WNT2: variants seen among roughly 807,000 people sequenced by gnomAD.
The protein encoded by WNT2 is protein Wnt-2.
Under a neutral mutation model 36.9 loss-of-function variants are expected in WNT2, and 12 were observed. The ratio of observed to expected loss-of-function variants is 0.33; its 90% CI spans 0.21 to 0.53. WNT2 has a LOEUF of 0.53. Among genes scored for constraint, WNT2 ranks in the 20% least tolerant of loss-of-function variants. The pLI is 0.95. For synonymous variants in WNT2, 163 were observed against 174.6 expected (o/e 0.93, Z 0.52); for missense variants, 379 against 473.1 (o/e 0.80, Z 1.84).
rs1783619525 is a variant in WNT2 at position 117,276,120 on chromosome 7, G to A, written c.*2035C>T. On this transcript the variant is annotated 3_prime_UTR_variant, in exon 5 of 5. Coordinates refer to ENST00000265441, the MANE Select transcript of WNT2 (RefSeq NM_003391.3). ...TATTTGTGATGGAGCATTGGGCAAT[G>A]CCTGATATGTGCACCAATCCCTTCG... 1.3e-5 allele frequency among the ~76,000 whole-genome samples: 2 copies of A among 152,324 alleles called. No individual in the cohort carries two copies. The highest frequency in any genetic ancestry group is 1.3e-4 in the Admixed American group (2 of 15,300).
intron 4 of WNT2, among the ~76,000 whole-genome samples, chr7:117,282,754 G>A (rs1367252466): frequency 6.6e-6 from 1 of 152,206 alleles, no homozygotes; most frequent in Non-Finnish European, 1.5e-5. Context: ...GTTCTCATTT[G>A]TGTTTCAGAA....
At chr7:117,305,374 C>G (rs904644392) in intron 3 of WNT2, among the ~76,000 whole-genome samples, 1 of 152,038 alleles carries the variant, frequency 6.6e-6, no homozygotes, top group African/African-American at 2.4e-5. Context: ...AGCTTCCGTT[C>G]TTATTTGTGG....
chr7:117,299,849 AT>A lies in WNT2; in HGVS notation c.589-1974del, dbSNP rs907161526. 4.0e-4 allele frequency among the ~76,000 whole-genome samples: 61 copies of A among 152,286 alleles called. 1 individual carries two copies. The highest frequency in any genetic ancestry group is 2.1e-4 in the South Asian group (1 of 4,824). Reference sequence around the variant, plus strand: ...CCAGATCATAAACTTCAAAACTGATATTTTTATACAATTAATTGAAGAATTT... The same window carrying A: ...CCAGATCATAAACTTCAAAACTGATATTTTATACAATTAATTGAAGAATTT... On this transcript the variant is annotated intron_variant, in intron 3 of 4. Transcript: ENST00000265441.
intron 3 of WNT2, among the ~76,000 whole-genome samples, chr7:117,305,565 A>G (rs952296516): frequency 6.6e-6 from 1 of 152,182 alleles, no homozygotes; most frequent in Admixed American, 6.5e-5. Context: ...CAGTCTCTTC[A>G]TATTTAAGAA....
rs147808279 is a variant in WNT2 at position 117,302,470 on chromosome 7, GT to G, written c.589-4595del. On this transcript the variant is annotated intron_variant, in intron 3 of 4. Coordinates refer to ENST00000265441, the MANE Select transcript of WNT2 (RefSeq NM_003391.3). ...GAAGAGATGCTTTAACAAACCATTG[GT>G]GGGGGAGTATAGCGATCCATCATTT... Among the ~76,000 whole-genome samples, 685 of 152,242 alleles carry G rather than the reference GT, an allele frequency of 4.5e-3. 4 individuals carry two copies. The highest frequency in any genetic ancestry group is 0.015 in the African/African-American group (633 of 41,524).
In WNT2 at chr7:117,275,966, T is replaced by TA. The variant is rs1206524358; in HGVS notation, c.*2188dup. ...ATGTCAGATCTAAACATACCAGGCA[T>TA]AAAAAAAGTAGCAAACACACCATTG... On this transcript the variant is annotated 3_prime_UTR_variant, in exon 5 of 5. Transcript: ENST00000265441. Among the ~76,000 whole-genome samples, 2 of 152,252 alleles carry TA rather than the reference T, an allele frequency of 1.3e-5. No individual in the cohort carries two copies. The highest frequency in any genetic ancestry group is 2.4e-5 in the African/African-American group (1 of 41,538).
At chr7:117,281,019 GCA>G (rs1794474427) in intron 4 of WNT2, among the ~76,000 whole-genome samples, 1 of 152,180 alleles carries the variant, frequency 6.6e-6, no homozygotes, top group Non-Finnish European at 1.5e-5. Flanking sequence ...TCCATCAACT[GCA>G]CAGTTTTACA....
chr7:117,290,855 G>A (rs372102207), intron 4 of WNT2, among the ~76,000 whole-genome samples: 1 of 152,172 alleles, frequency 6.6e-6, no homozygotes, highest in South Asian at 2.1e-4. Context: ...TGGCACATAG[G>A]AGGATCTCAA....
intron 2 of WNT2, among the ~76,000 whole-genome samples, chr7:117,319,712 G>T (rs1356638279): frequency 6.6e-6 from 1 of 152,104 alleles, no homozygotes; most frequent in Non-Finnish European, 1.5e-5. Flanking sequence ...AATTTTCTTT[G>T]ATTGTGTCCT....
intron 2 of WNT2, 108 bp downstream of exon 2, chr7:117,320,459 T>C: frequency 8.7e-7 from 1 of 1,150,328 alleles, no homozygotes; most frequent in Non-Finnish European, 1.3e-6. Flanking sequence ...TGAACAAACT[T>C]CTGATGGAAT....
intron 3 of WNT2, among the ~76,000 whole-genome samples, chr7:117,301,977 T>G (rs1419782396): frequency 6.6e-6 from 1 of 152,020 alleles, no homozygotes; most frequent in Non-Finnish European, 1.5e-5. Context: ...CTTGCTATTT[T>G]TTTGTATTTT....
Position 117,275,817 on chromosome 7 carries a change from C to T in WNT2, c.*2338G>A, listed in dbSNP as rs562679471. ...TTTTTCCCACCTCAGTGGCAGGACC[C>T]ACTGCCACTTGCGATGGTTGCCATA... On this transcript the variant is annotated 3_prime_UTR_variant, in exon 5 of 5. Coordinates refer to ENST00000265441, the MANE Select transcript of WNT2 (RefSeq NM_003391.3). Among the ~76,000 whole-genome samples, 5 of 152,326 alleles carry T rather than the reference C, an allele frequency of 3.3e-5. No individual in the cohort carries two copies. The South Asian group carries it at 1.0e-3, about 32-fold the overall frequency.
chr7:117,316,761 A>G (rs1795227636), intron 2 of WNT2, among the ~76,000 whole-genome samples: 4 of 152,222 alleles, frequency 2.6e-5, no homozygotes, highest in Admixed American at 1.3e-4. Flanking sequence ...CCCTGTAGTT[A>G]GGTAAAATCA....
intron 4 of WNT2, among the ~76,000 whole-genome samples, chr7:117,287,079 T>C (rs1584677210): frequency 6.6e-6 from 1 of 152,344 alleles, no homozygotes; most frequent in African/African-American, 2.4e-5. Context: ...CCGGGCACGG[T>C]GGCTCACACC....
rs78668389 is a variant in WNT2 at position 117,299,874 on chromosome 7, T to C, written c.589-1998A>G. Among the ~76,000 whole-genome samples the C allele has an allele frequency of 1.8e-3, 280 of 152,268 alleles. 3 individuals are homozygous for C. In the East Asian group the frequency reaches 0.019, roughly 10 times the overall value. ...ATTTTTATACAATTAATTGAAGAAT[T>C]TGCATATTAATTTAAAATTGGATCT... On this transcript the variant is annotated intron_variant, in intron 3 of 4. Transcript: ENST00000265441.
rs577381861 is a variant in WNT2 at position 117,322,763 on chromosome 7, C to T, written c.83+144G>A. The T allele has an allele frequency of 6.7e-5, 50 of 750,832 alleles. No individual in the cohort carries two copies. In the South Asian group the frequency reaches 7.3e-4, roughly 11 times the overall value. 46.5% of individuals were successfully genotyped at this position (750,832 alleles called of 1,614,324 possible). A position where few individuals can be genotyped will look rare whatever the true frequency, so the allele number is the denominator to read the frequency against. On this transcript the variant is annotated intron_variant, in intron 1 of 4. Coordinates refer to ENST00000265441, the MANE Select transcript of WNT2 (RefSeq NM_003391.3). The surrounding 1 kb of genome is among the most constrained non-coding windows in gnomAD (Gnocchi z 5.4). ...AAAAGAGAAGGGGCTCACCATGGGG[C>T]GATAAGAGGGCAGTAGCCAGGGTTC...
rs115065516 is a variant in WNT2 at position 117,276,151 on chromosome 7, C to A, written c.*2004G>T. Reference sequence around the variant, plus strand: ...TATGTGCACCAATCCCTTCGCCTCTCTTGGTCTCAATTTCCCCAAACTAAA... The same window carrying A: ...TATGTGCACCAATCCCTTCGCCTCTATTGGTCTCAATTTCCCCAAACTAAA... On this transcript the variant is annotated 3_prime_UTR_variant, in exon 5 of 5. Coordinates refer to ENST00000265441, the MANE Select transcript of WNT2 (RefSeq NM_003391.3). Among the ~76,000 whole-genome samples the A allele has an allele frequency of 4.9e-3, 742 of 152,356 alleles. 8 individuals carry two copies. Among genetic ancestry groups the A allele is most frequent in the African/African-American group, 0.017 (713 of 41,582 alleles).
At chr7:117,309,896 A>T (rs1795089687) in intron 3 of WNT2, among the ~76,000 whole-genome samples, 1 of 152,194 alleles carries the variant, frequency 6.6e-6, no homozygotes, top group Admixed American at 6.5e-5. Context: ...ATGTATATTT[A>T]AGGCAAAAAA....
chr7:117,293,979 G>A (rs1335322490), intron 4 of WNT2, among the ~76,000 whole-genome samples: 1 of 152,186 alleles, frequency 6.6e-6, no homozygotes, highest in Non-Finnish European at 1.5e-5. Flanking sequence ...GGATGACTCT[G>A]TTCTCTCCAG....
Sources: gnomAD v4.1 joint callset for allele counts (sites outside exome capture counted in the v4.1 genomes callset) on GRCh38, gnomAD v4.1.1 for gene constraint, Gnocchi (gnomAD v3.1) non-coding constraint, MANE v1.5 for transcripts, NCBI Gene and HGNC (gene_info 2026-07-23, HGNC 2026-07-21) for gene names.